Variants in ZNF568 observed in about 807,000 individuals in gnomAD.
The protein encoded by ZNF568 is zinc finger protein 568.
In ZNF568, 11 loss-of-function variants were observed where a neutral mutation model predicts 18.1. The observed-to-expected ratio is 0.61, with a 90% CI of 0.38 to 1.00. ZNF568 has a LOEUF of 1.00. Among genes scored for constraint, ZNF568 ranks in the 50% least tolerant of loss-of-function variants. ZNF568 has a pLI of 0.01. For missense variants in ZNF568, 639 were observed against 768.2 expected, an observed-to-expected ratio of 0.83 and a Z score of 1.99; for synonymous variants, 213 against 246.6, an observed-to-expected ratio of 0.86 and a Z score of 1.28.
intron 7 of ZNF568, among the ~76,000 whole-genome samples, chr19:36,978,745 C>G (rs1160457532): frequency 2.0e-5 from 3 of 152,176 alleles, no homozygotes; most frequent in South Asian, 4.1e-4. Context: ...TCTGCTCTCT[C>G]TCTGACTTTA....
intron 4 of ZNF568, among the ~76,000 whole-genome samples, chr19:36,935,537 G>A (rs2073775193): frequency 6.8e-6 from 1 of 147,432 alleles, no homozygotes; most frequent in Non-Finnish European, 1.5e-5. Context: ...TCCAGCCTAG[G>A]CGACAGACTG....
intron 2 of ZNF568, among the ~76,000 whole-genome samples, chr19:36,989,670 TC>T (rs1291905517): frequency 6.6e-6 from 1 of 152,214 alleles, no homozygotes; most frequent in African/African-American, 2.4e-5. Flanking sequence ...TCCTCCTGCC[TC>T]AGCCTCCCAA....
intron 2 of ZNF568, among the ~76,000 whole-genome samples, chr19:36,919,875 T>G (rs1247411475): frequency 1.3e-5 from 2 of 152,194 alleles, no homozygotes; most frequent in Non-Finnish European, 2.9e-5. Flanking sequence ...AAGTATAACA[T>G]AAAATTATGT....
At chr19:36,953,666 C>A (rs900338428), downstream of ZNF568, among the ~76,000 whole-genome samples, 1 of 152,176 alleles carries the variant, frequency 6.6e-6, no homozygotes, top group Non-Finnish European at 1.5e-5. Flanking sequence ...AAACCCAGCG[C>A]TTTGGGAGGC....
At chr19:36,994,196 TTTCACGTTTG>T (rs1204736836) in intron 4 of ZNF568, among the ~76,000 whole-genome samples, 2 of 152,194 alleles carry the variant, frequency 1.3e-5, no homozygotes, top group Non-Finnish European at 2.9e-5. Flanking sequence ...GTTATTTAAT[TTTCACGTTTG>T]TGAATTTCCC....
chr19:36,950,198 C>G lies in ZNF568; in HGVS notation c.1045C>G (p.Leu349Val). ...GAAATCCTTCAGCCAGAAGCAAAAT[C>G]TTATTGAGCACGAGAAAATTCATAC... ...CGKSFSQKQN[L>V]IEHEKIHTGE... Residue 349 changes from leucine (L) to valine (V), a missense_variant, in exon 7 of 7, where the codon CTT becomes GTT. Leu to Val is a conservative substitution (Grantham distance 32). Transcript: ENST00000333987. The G allele has an allele frequency of 6.2e-7, 1 of 1,613,660 alleles. No individual in the cohort carries two copies. The highest frequency in any genetic ancestry group is 8.5e-7 in the Non-Finnish European group (1 of 1,179,748).
intron 2 of ZNF568, chr19:36,991,138 A>G (rs1295559218): frequency 6.6e-7 from 1 of 1,510,496 alleles, no homozygotes; most frequent in Non-Finnish European, 8.8e-7. Flanking sequence ...GATTTTGTCC[A>G]TGAATTTCAC....
chr19:36,952,194 G>A lies in ZNF568; in HGVS notation c.*1106G>A, dbSNP rs189752692. The A allele has an allele frequency of 2.7e-6, 1 of 369,744 alleles. No homozygotes were observed. The highest frequency in any genetic ancestry group is 3.7e-6 in the Non-Finnish European group (1 of 268,212). The allele number at this position is 369,744 out of a possible 1,614,324, so 22.9% of individuals were successfully genotyped here. On this transcript the variant is annotated 3_prime_UTR_variant, in exon 7 of 7. Coordinates refer to ENST00000333987, the MANE Select transcript of ZNF568 (RefSeq NM_198539.4). Reference sequence around the variant, plus strand: ...GCAGTGGCACATGCCTGTAATCCCAGCTACTTGGGAGGCTGATAGAAGAAG... The same window carrying A: ...GCAGTGGCACATGCCTGTAATCCCAACTACTTGGGAGGCTGATAGAAGAAG...
At chr19:36,995,221 A>T (rs1354004588) in intron 4 of ZNF568, among the ~76,000 whole-genome samples, 1 of 152,054 alleles carries the variant, frequency 6.6e-6, no homozygotes, top group Non-Finnish European at 1.5e-5. Flanking sequence ...AACATGGCGA[A>T]ACCCTGTATC....
chr19:36,949,572 C>A lies in ZNF568; in HGVS notation c.419C>A (p.Thr140Lys). 6.2e-7 allele frequency: 1 copy of A among 1,611,978 alleles called. No individual in the cohort carries two copies. Among genetic ancestry groups the A allele is most frequent in the South Asian group, 1.1e-5 (1 of 90,684 alleles). ...CAGGAAACACTTGTGAGGAAAGTCA[C>A]ATCCATCTCCAAGAAAATTCTGATA... The part of the protein sequence containing the change: ...KQQETLVRKV[T>K]SISKKILIKE... Residue 140 changes from threonine (T) to lysine (K), a missense_variant, in exon 7 of 7, where the codon ACA becomes AAA. Physicochemically the swap from Thr to Lys is moderately conservative, Grantham distance 78. Transcript: ENST00000333987.
chr19:36,949,500 C>A lies in ZNF568; in HGVS notation c.359-12C>A. On this transcript the variant is annotated splice_polypyrimidine_tract_variant and intron_variant, in intron 6 of 6. Coordinates refer to ENST00000333987, the MANE Select transcript of ZNF568 (RefSeq NM_198539.4). ...TAATTCACAAGTAATAATTTCTGGT[C>A]CTCCATTTTAGAAGTTTGGGAAGTT... is the stretch of plus-strand genomic sequence containing the variant. 1 of 1,543,754 alleles carries A rather than the reference C, an allele frequency of 6.5e-7. No individual in the cohort carries two copies. Among genetic ancestry groups the A allele is most frequent in the South Asian group, 1.3e-5 (1 of 77,160 alleles).
chr19:36,992,815 G>T (rs2074437729), intron 4 of ZNF568, among the ~76,000 whole-genome samples: 1 of 152,112 alleles, frequency 6.6e-6, no homozygotes, highest in South Asian at 2.1e-4. Flanking sequence ...CCCAAATCCA[G>T]CCCTAAGCAA....
chr19:36,937,287 G>C, intron 6 of ZNF568, 45 bp downstream of exon 6: 1 of 1,520,660 alleles, frequency 6.6e-7, no homozygotes, highest in Non-Finnish European at 9.1e-7. Flanking sequence ...CCACATGAGA[G>C]TTGTTCAGTG....
intron 7 of ZNF568, among the ~76,000 whole-genome samples, chr19:36,976,687 G>T (rs1430558594): frequency 2.0e-5 from 3 of 152,080 alleles, no homozygotes; most frequent in Admixed American, 2.0e-4. Flanking sequence ...AAGGCGGGCG[G>T]ATCACCTGAG....
chr19:36,948,658 A>ATTTTTTTTTTTTTTTG (rs2074005317), intron 6 of ZNF568, among the ~76,000 whole-genome samples: 1 of 83,576 alleles, frequency 1.2e-5, no homozygotes, highest in Non-Finnish European at 2.2e-5. Context: ...TTTGTTGTTG[A>ATTTTTTTTTTTTTTTG]TTTTTTTTTT....
chr19:36,965,004 A>G (rs2074184045), intron 6 of ZNF568, among the ~76,000 whole-genome samples: 1 of 152,190 alleles, frequency 6.6e-6, no homozygotes, highest in African/African-American at 2.4e-5. Context: ...AGCAAGTACT[A>G]TAAGAGGGAC....
chr19:36,980,339 A>T (rs1374296353), downstream of ZNF568: 1 of 152,154 alleles, frequency 6.6e-6, no homozygotes, highest in Non-Finnish European at 1.5e-5. Context: ...TTAATGTTTA[A>T]GTCTTCAATT....
At chr19:36,994,925 C>G (rs928389063) in intron 4 of ZNF568, among the ~76,000 whole-genome samples, 1 of 152,120 alleles carries the variant, frequency 6.6e-6, no homozygotes, top group African/African-American at 2.4e-5. Context: ...TCTGGGATTA[C>G]AAGCGTGACC....
At chr19:36,934,313 TTTTTTTTTTAA>T (rs1021431794) in intron 4 of ZNF568, among the ~76,000 whole-genome samples, 16 of 143,656 alleles carry the variant, frequency 1.1e-4, no homozygotes, top group African/African-American at 4.4e-4. Context: ...TCTTTTTTTT[TTTTTTTTTTAA>T]TTGAGGCAGA....
Sources: gnomAD v4.1 joint callset for allele counts (sites outside exome capture counted in the v4.1 genomes callset) on GRCh38, gnomAD v4.1.1 for gene constraint, MANE v1.5 for transcripts, NCBI Gene and HGNC (gene_info 2026-07-23, HGNC 2026-07-21) for gene names.